Variants in SQLE observed in about 807,000 individuals in gnomAD.
SQLE encodes squalene epoxidase, also known as squalene monooxygenase.
SQLE carries 29 observed loss-of-function variants against 60.7 expected under a neutral mutation model. That is an observed-to-expected ratio of 0.48 (90% CI 0.36 to 0.65). The LOEUF (loss-of-function observed/expected upper bound fraction) is 0.65. Among genes scored for constraint, SQLE ranks in the 30% least tolerant of loss-of-function variants. The pLI, the probability that SQLE is intolerant of heterozygous loss-of-function variation, is 0.00. For missense variants in SQLE, 605 were observed against 684.1 expected (o/e 0.88, Z 1.29); for synonymous variants, 237 against 246.8 (o/e 0.96, Z 0.37).
rs1330585902 is a variant in SQLE, at chr8:124,998,573, G to T, written c.-831G>T. 1 of 684,912 alleles carries T rather than the reference G, an allele frequency of 1.5e-6. No homozygotes were observed. Among genetic ancestry groups the T allele is most frequent in the South Asian group, 1.5e-5 (1 of 65,930 alleles). 42.4% of individuals were successfully genotyped at this position (684,912 alleles called of 1,614,324 possible). ...ACTCTGGTTACTGGGGCCGCGCCGC[G>T]CTGGCGAGAGCCGCCGCCCGCGAGG... On this transcript the variant is annotated 5_prime_UTR_variant, in exon 1 of 11. Coordinates refer to ENST00000265896, the MANE Select transcript of SQLE (RefSeq NM_003129.4).
At chr8:125,003,666 T>C (rs1814900891) in intron 2 of SQLE, among the ~76,000 whole-genome samples, 1 of 152,140 alleles carries the variant, frequency 6.6e-6, no homozygotes, top group South Asian at 2.1e-4. Context: ...AAGATTGTAA[T>C]GGTCAAAATT....
At chr8:125,017,873 C>A in intron 7 of SQLE, 186 bp from the exon 8 acceptor site, 1 of 628,746 alleles carries the variant, frequency 1.6e-6, no homozygotes, top group Non-Finnish European at 2.7e-6. Flanking sequence ...CTATTAGGTA[C>A]CCAACATTGA....
intron 7 of SQLE, among the ~76,000 whole-genome samples, chr8:125,017,491 G>C (rs1400927984): frequency 6.6e-6 from 1 of 152,074 alleles, no homozygotes; most frequent in Non-Finnish European, 1.5e-5. Context: ...AATGCTGCCA[G>C]ACCTGGGTCT....
rs939045336 is a variant in SQLE at position 125,022,224 on chromosome 8, T to A, written c.*279T>A. 1 of 210,930 alleles carries A rather than the reference T, an allele frequency of 4.7e-6. No homozygotes were observed. Among genetic ancestry groups the A allele is most frequent in the Non-Finnish European group, 9.3e-6 (1 of 106,980 alleles). The allele number at this position is 210,930 out of a possible 1,614,324, so 13.1% of individuals were successfully genotyped here. A position where few individuals can be genotyped will look rare whatever the true frequency, so the allele number is the denominator to read the frequency against. On this transcript the variant is annotated 3_prime_UTR_variant, in exon 11 of 11. Transcript: ENST00000265896. The stretch of plus-strand genomic sequence containing the variant: ...TAATGCTGAGGAGAACTACAGTTTT[T>A]CTTTTGAATTTAGTATTTGAGATGA...
chr8:125,001,449 GGTGT>G (rs57946751), intron 1 of SQLE, among the ~76,000 whole-genome samples: 2,908 of 136,964 alleles, frequency 0.021, 32 homozygotes, highest in Non-Finnish European at 0.024. Flanking sequence ...CTCCTTTCAG[GGTGT>G]GTGTGTGTGT....
At chr8:125,011,189 T>G (rs1815035575) in intron 6 of SQLE, 2 of 165,750 alleles carry the variant, frequency 1.2e-5, no homozygotes, top group Admixed American at 6.1e-5. Flanking sequence ...TATAATACAT[T>G]AAATATTAAA....
chr8:125,005,370 AT>A (rs33939898), intron 2 of SQLE, among the ~76,000 whole-genome samples, 154 bp from the exon 3 acceptor site: 48,309 of 152,034 alleles, frequency 0.32, 8,903 homozygotes, highest in African/African-American at 0.5. Flanking sequence ...TTCCAGAAGC[AT>A]TCACAGTTTC....
Position 125,016,695 on chromosome 8 carries a change from T to TTAGG in SQLE, c.1205-1361_1205-1358dup, listed in dbSNP as rs1394722594. 7.9e-5 allele frequency among the ~76,000 whole-genome samples: 12 copies of TTAGG among 152,066 alleles called. No individual in the cohort carries two copies. Among genetic ancestry groups the TTAGG allele is most frequent in the Non-Finnish European group, 1.2e-4 (8 of 68,018 alleles). On this transcript the variant is annotated intron_variant, in intron 7 of 10. Transcript: ENST00000265896. The surrounding 1 kb of genome is among the most constrained non-coding windows in gnomAD (Gnocchi z 4.1). ...TCACCAATGTCTGGGCATTGATGAG[T>TTAGG]TAGGTATTTATTGTGGTCTTCGGAG...
rs761358301 is a variant in SQLE, at chr8:125,009,015, C to G, written c.867C>G (p.Ser289=). The change falls in exon 5 of 11, where the codon TCC becomes TCG. Residue 289 remains serine (S), a synonymous_variant. Transcript: ENST00000265896. ...CTGTTGTTGCAGATGGGCTTTTCTC[C>G]AAGTTCAGGAAAAGCCTGGTCTCCA... ...PLTVVADGLF[S]KFRKSLVSNK... The G allele has an allele frequency of 6.3e-7, 1 of 1,595,846 alleles. No homozygotes were observed. The highest frequency in any genetic ancestry group is 2.2e-5 in the East Asian group (1 of 44,708).
chr8:125,002,168 T>TA (rs1814865860), intron 1 of SQLE, among the ~76,000 whole-genome samples: 1 of 152,188 alleles, frequency 6.6e-6, no homozygotes, highest in Non-Finnish European at 1.5e-5. Context: ...ATAAATTAAA[T>TA]ATGTGCTTAT....
At chr8:125,012,772 C>T (rs2129898021) in intron 7 of SQLE, among the ~76,000 whole-genome samples, 1 of 152,262 alleles carries the variant, frequency 6.6e-6, no homozygotes, top group East Asian at 1.9e-4. Context: ...TGGTTATATA[C>T]CCAAGAGTGA....
rs1563593777 is a variant in SQLE, at chr8:124,998,659, C to A, written c.-745C>A. ...CCATCTGAGGGAGGTACCCTGGAAA[C>A]CACCTTTTATCGGTGGGGAAGTGCA... is the stretch of plus-strand genomic sequence containing the variant. On this transcript the variant is annotated 5_prime_UTR_variant, in exon 1 of 11. Coordinates refer to ENST00000265896, the MANE Select transcript of SQLE (RefSeq NM_003129.4). 7.5e-6 allele frequency: 5 copies of A among 667,158 alleles called. No individual in the cohort carries two copies. Among genetic ancestry groups the A allele is most frequent in the Non-Finnish European group, 1.1e-5 (4 of 367,504 alleles). The allele number at this position is 667,158 out of a possible 1,614,324, so 41.3% of individuals were successfully genotyped here. A position where few individuals can be genotyped will look rare whatever the true frequency, so the allele number is the denominator to read the frequency against.
intron 7 of SQLE, among the ~76,000 whole-genome samples, chr8:125,013,365 T>C (rs1356765369): frequency 1.3e-5 from 2 of 150,986 alleles, no homozygotes; most frequent in African/African-American, 4.9e-5. Context: ...TCTTTTTTTT[T>C]TTTTGAGATG....
chr8:125,008,744 G>T (rs547163449), intron 4 of SQLE, among the ~76,000 whole-genome samples: 1 of 152,222 alleles, frequency 6.6e-6, no homozygotes, highest in South Asian at 2.1e-4. Context: ...TGCATGGGAG[G>T]GCTACAAAGG....
intron 7 of SQLE, 136 bp from the exon 8 acceptor site, chr8:125,017,923 T>C: frequency 9.1e-7 from 1 of 1,099,192 alleles, no homozygotes; most frequent in Non-Finnish European, 1.3e-6. Context: ...CAAATTTTAA[T>C]CATGATTTGT....
At chr8:125,006,710 CTT>C (rs566345105) in intron 3 of SQLE, among the ~76,000 whole-genome samples, 7 of 145,704 alleles carry the variant, frequency 4.8e-5, no homozygotes, top group Non-Finnish European at 9.0e-5. Flanking sequence ...AATAATTACT[CTT>C]TCTTTTTTTT....
In SQLE at chr8:125,003,189, C is replaced by A; in HGVS notation, c.305C>A (p.Thr102Asn). 5 of 1,606,504 alleles carry A rather than the reference C, an allele frequency of 3.1e-6. No individual in the cohort carries two copies. Among genetic ancestry groups the A allele is most frequent in the Non-Finnish European group, 4.2e-6 (5 of 1,177,368 alleles). ...TTTTTTAAACAGCGCAGAAAAGGAACCAATATTTCAGAAACAAGCTTAATA... is the reference window on the plus strand; with the variant it reads ...TTTTTTAAACAGCGCAGAAAAGGAAACAATATTTCAGAAACAAGCTTAATA... ...QLEARRRRKG[T>N]NISETSLIGT... is the part of the protein sequence containing the mutation. The change falls in exon 2 of 11, where the codon ACC (threonine) becomes AAC (asparagine). Residue 102 changes from threonine (T) to asparagine (N), a missense_variant. Thr to Asn is a moderately conservative substitution (Grantham distance 65). Coordinates refer to ENST00000265896, the MANE Select transcript of SQLE (RefSeq NM_003129.4).
intron 9 of SQLE, chr8:125,019,017 A>C (rs1815158413): frequency 1.9e-5 from 5 of 268,956 alleles, no homozygotes; most frequent in South Asian, 1.8e-4. Flanking sequence ...CACACACACA[A>C]GACTGTGATG....
Position 125,011,464 on chromosome 8 carries a change from A to G in SQLE, c.1109-73A>G, listed in dbSNP as rs1393674646. 4.8e-6 allele frequency: 6 copies of G among 1,244,656 alleles called. No individual in the cohort carries two copies. In the South Asian group the frequency reaches 6.7e-5, roughly 14 times the overall value. 77.1% of individuals were successfully genotyped at this position (1,244,656 alleles called of 1,614,324 possible). ...TATAGTAGGCATTTGTTTATACTTG[A>G]TAAGAAAATATGTGATACTTTGAAA... On this transcript the variant is annotated intron_variant, in intron 6 of 10. Transcript: ENST00000265896.
Sources: allele counts gnomAD v4.1 joint callset (sites outside exome capture counted in the v4.1 genomes callset), GRCh38; gene constraint gnomAD v4.1.1; non-coding constraint Gnocchi (gnomAD v3.1); transcripts MANE v1.5; gene names NCBI Gene and HGNC (gene_info 2026-07-23, HGNC 2026-07-21).